Variants in DCTN6 observed in about 807,000 individuals in gnomAD.
DCTN6 encodes the protein dynactin 6.
In DCTN6, 15 loss-of-function variants were observed where a neutral mutation model predicts 25.8. The observed-to-expected ratio is 0.58, with a 90% confidence interval of 0.39 to 0.89. The LOEUF (loss-of-function observed/expected upper bound fraction) is 0.89, where lower values mean the gene tolerates loss of function less well. Ranked by LOEUF, DCTN6 falls within the 40% of genes least tolerant of loss-of-function variation. The pLI is 0.00. For missense variants in DCTN6, 198 were observed against 237.6 expected (o/e 0.83, Z 1.09); for synonymous variants, 64 against 78.3 (o/e 0.82, Z 0.96).
intron 5 of DCTN6, among the ~76,000 whole-genome samples, chr8:30,179,687 T>G (rs1803888004): frequency 6.6e-6 from 1 of 152,208 alleles, no homozygotes; most frequent in South Asian, 2.1e-4. Flanking sequence ...AATTAAACCA[T>G]AAACTTTAAA....
intron 1 of DCTN6, among the ~76,000 whole-genome samples, chr8:30,160,931 T>C (rs1185987399): frequency 1.3e-5 from 2 of 152,198 alleles, no homozygotes; most frequent in Non-Finnish European, 2.9e-5. Flanking sequence ...TTTTATTAAA[T>C]GTGTTTGTTG....
chr8:30,177,314 G>GAAAT, intron 4 of DCTN6, 100 bp downstream of exon 4: 1 of 885,974 alleles, frequency 1.1e-6, no homozygotes. Context: ...CTCTCCTTTA[G>GAAAT]TACCTAAGTC....
At chr8:30,162,039 G>A (rs533126289) in intron 1 of DCTN6, among the ~76,000 whole-genome samples, 7 of 151,924 alleles carry the variant, frequency 4.6e-5, no homozygotes, top group African/African-American at 1.2e-4. Context: ...GAGCCACCAC[G>A]CCCAGCCTTA....
chr8:30,156,592 A>G (rs1346370810), intron 1 of DCTN6, among the ~76,000 whole-genome samples, 186 bp downstream of exon 1: 2 of 152,028 alleles, frequency 1.3e-5, no homozygotes, highest in Non-Finnish European at 2.9e-5. Context: ...AGGGTTGAGA[A>G]GGGACGCGGA....
At chr8:30,179,782 A>G (rs1422859093) in intron 5 of DCTN6, among the ~76,000 whole-genome samples, 1 of 151,922 alleles carries the variant, frequency 6.6e-6, no homozygotes, top group Non-Finnish European at 1.5e-5. Context: ...AAGGGGGGGA[A>G]AAATCAAAGT....
intron 2 of DCTN6, among the ~76,000 whole-genome samples, chr8:30,173,135 G>A (rs894564081): frequency 1.3e-5 from 2 of 152,110 alleles, no homozygotes; most frequent in African/African-American, 2.4e-5. Context: ...CAGACTGTGC[G>A]TTCTGATAAG....
At chr8:30,165,690 C>T (rs993418972) in intron 2 of DCTN6, 2 of 156,296 alleles carry the variant, frequency 1.3e-5, no homozygotes, top group Non-Finnish European at 1.4e-5. Flanking sequence ...GGAGAAACCC[C>T]GTCACTACTA....
chr8:30,176,990 AG>A, intron 3 of DCTN6, 135 bp from the exon 4 acceptor site: 1 of 622,678 alleles, frequency 1.6e-6, no homozygotes, highest in Non-Finnish European at 2.8e-6. Flanking sequence ...AAAGAAAAAA[AG>A]AAATAACTTA....
At chr8:30,179,603 G>T in intron 5 of DCTN6, 148 bp downstream of exon 5, 2 of 591,076 alleles carry the variant, frequency 3.4e-6, no homozygotes, top group East Asian at 2.9e-5. Flanking sequence ...TGCCACTAAG[G>T]AACCTAATCT....
intron 1 of DCTN6, among the ~76,000 whole-genome samples, chr8:30,159,586 G>T (rs1803572322): frequency 6.6e-6 from 1 of 151,962 alleles, no homozygotes; most frequent in African/African-American, 2.4e-5. Flanking sequence ...GATATATCTG[G>T]TGACCATTCC....
At chr8:30,181,400 A>T (rs1410031404) in intron 6 of DCTN6, among the ~76,000 whole-genome samples, 1 of 152,212 alleles carries the variant, frequency 6.6e-6, no homozygotes, top group Non-Finnish European at 1.5e-5. Context: ...CTGTGTTTGG[A>T]TATTTTCCTG....
intron 2 of DCTN6, among the ~76,000 whole-genome samples, 194 bp downstream of exon 2, chr8:30,164,369 T>C (rs1302354682): frequency 6.6e-6 from 1 of 152,208 alleles, no homozygotes; most frequent in African/African-American, 2.4e-5. Context: ...TAAACTCCTA[T>C]CTGAAATACT....
chr8:30,174,117 C>T, intron 2 of DCTN6, among the ~76,000 whole-genome samples: 1 of 152,186 alleles, frequency 6.6e-6, no homozygotes, highest in Admixed American at 6.5e-5. Flanking sequence ...TCAGGGCTCC[C>T]CACGCCAAAG....
chr8:30,179,247 G>A (rs537215753), intron 4 of DCTN6, among the ~76,000 whole-genome samples, 161 bp from the exon 5 acceptor site: 2 of 152,172 alleles, frequency 1.3e-5, no homozygotes, highest in South Asian at 2.1e-4. Flanking sequence ...AGATTAAACC[G>A]TTACCACAGA....
At chr8:30,182,002 A>T in intron 6 of DCTN6, among the ~76,000 whole-genome samples, 1 of 152,040 alleles carries the variant, frequency 6.6e-6, no homozygotes, top group East Asian at 1.9e-4. Context: ...TATTATTATT[A>T]TTATTTTAAG....
At chr8:30,180,990 C>T (rs1204111269) in intron 6 of DCTN6, 2 of 298,818 alleles carry the variant, frequency 6.7e-6, no homozygotes, top group Non-Finnish European at 1.2e-5. Context: ...CATGCCACTG[C>T]ACTCCAGCCT....
chr8:30,179,306 TG>T lies in DCTN6; in HGVS notation c.284-101del. 6.6e-6 allele frequency: 6 copies of T among 903,664 alleles called. No individual in the cohort carries two copies. In the Admixed American group the frequency reaches 1.4e-4, roughly 21 times the overall value. 56.0% of individuals were successfully genotyped at this position (903,664 alleles called of 1,614,324 possible). On this transcript the variant is annotated intron_variant, in intron 4 of 6. Coordinates refer to ENST00000221114, the MANE Select transcript of DCTN6 (RefSeq NM_006571.4). ...CAAGGGTGAGCCTGCATGGCCCATCTGACACCCCTGTCCTCTGTCCCAGTGC... is the reference window on the plus strand; with the variant it reads ...CAAGGGTGAGCCTGCATGGCCCATCTACACCCCTGTCCTCTGTCCCAGTGC...
At chr8:30,164,667 G>A (rs2117580264) in intron 2 of DCTN6, among the ~76,000 whole-genome samples, 1 of 152,330 alleles carries the variant, frequency 6.6e-6, no homozygotes, top group East Asian at 1.9e-4. Flanking sequence ...AGGTTCGGCT[G>A]CATGTAGGGG....
chr8:30,156,395 G>C lies in DCTN6; in HGVS notation c.12G>C (p.Lys4Asn). 1 of 1,605,994 alleles carries C rather than the reference G, an allele frequency of 6.2e-7. No individual in the cohort carries two copies. Among genetic ancestry groups the C allele is most frequent in the Non-Finnish European group, 8.5e-7 (1 of 1,176,278 alleles). The change falls in exon 1 of 7, where the codon AAG (lysine) becomes AAC (asparagine). Residue 4 changes from lysine to asparagine, a missense_variant. Lys to Asn is a moderately conservative substitution (Grantham distance 94). Transcript: ENST00000221114. ...ATTGGGGCCGTACCATGGCGGAGAA[G>C]ACTCAAAAGAGGTGGGTTTGCTGCT... is the stretch of plus-strand genomic sequence containing the variant. MAEKTQKSVKIAPG... is the reference protein window; with the variant it reads MAENTQKSVKIAPG...
Sources: allele counts gnomAD v4.1 joint callset (sites outside exome capture counted in the v4.1 genomes callset), GRCh38; gene constraint gnomAD v4.1.1; transcripts MANE v1.5; gene names NCBI Gene and HGNC (gene_info 2026-07-23, HGNC 2026-07-21).